Variants in PDE4D observed in about 807,000 individuals in gnomAD.
PDE4D encodes the protein 3',5'-cyclic-AMP phosphodiesterase 4D.
A neutral mutation model predicts 87.4 loss-of-function variants in PDE4D; 24 were observed. The observed-to-expected ratio is 0.27, with a 90% CI of 0.20 to 0.39. PDE4D has a LOEUF of 0.39. Ranked by LOEUF, PDE4D falls within the 10% of genes least tolerant of loss-of-function variation. PDE4D has a pLI of 1.00. For synonymous variants in PDE4D, 384 were observed against 383.2 expected (o/e 1.00, Z -0.02); for missense variants, 714 against 1,041.0 (o/e 0.69, Z 4.32).
chr5:59,650,220 T>C (rs927914253), intron 1 of PDE4D, among the ~76,000 whole-genome samples: 12 of 152,222 alleles, frequency 7.9e-5, no homozygotes, highest in Non-Finnish European at 1.0e-4. Flanking sequence ...AGAACTAAGA[T>C]GAATAAATTA....
chr5:60,468,137 C>CTTTTTTTTTTTTTT lies in PDE4D; in HGVS notation c.-90+19804_-90+19805insAAAAAAAAAAAAAA, dbSNP rs570783072. On this transcript the variant is annotated intron_variant, in intron 1 of 16. Transcript: ENST00000502484. ...CACATCCTAACTTTCTTTCTTTTTT[C>CTTTTTTTTTTTTTT]TTTTTTTTTTGTTTTTTTTGAGACA... is the stretch of plus-strand genomic sequence containing the variant. 6.0e-4 allele frequency among the ~76,000 whole-genome samples: 85 copies of CTTTTTTTTTTTTTT among 141,228 alleles called. 2 individuals carry two copies. The highest frequency in any genetic ancestry group is 1.7e-3 in the East Asian group (8 of 4,630). 92.7% of individuals were successfully genotyped at this position (141,228 alleles called of 152,430 possible). A position where few individuals can be genotyped will look rare whatever the true frequency, so the allele number is the denominator to read the frequency against.
intron 1 of PDE4D, among the ~76,000 whole-genome samples, chr5:59,489,627 A>G (rs1413979233): frequency 6.6e-6 from 1 of 152,200 alleles, no homozygotes; most frequent in African/African-American, 2.4e-5. Context: ...TATGGCTTCA[A>G]TGCTCTCAAC....
chr5:60,439,270 C>A (rs1745005613), intron 1 of PDE4D, among the ~76,000 whole-genome samples: 1 of 146,324 alleles, frequency 6.8e-6, no homozygotes, highest in African/African-American at 2.6e-5. Flanking sequence ...AATAGACATC[C>A]CAGAAAATTG....
intron 1 of PDE4D, among the ~76,000 whole-genome samples, chr5:60,386,905 C>T (rs1004278819): frequency 2.6e-5 from 4 of 152,170 alleles, no homozygotes; most frequent in Non-Finnish European, 4.4e-5. Flanking sequence ...TTTTGTGATG[C>T]ATTGATCACT....
chr5:59,615,121 C>G (rs553362531), intron 1 of PDE4D, among the ~76,000 whole-genome samples: 3 of 152,166 alleles, frequency 2.0e-5, no homozygotes, highest in Non-Finnish European at 2.9e-5. Context: ...TGAGCCACCA[C>G]GCCTGGCTGG....
At chr5:59,597,742 C>T (rs1271082889) in intron 1 of PDE4D, among the ~76,000 whole-genome samples, 2 of 152,022 alleles carry the variant, frequency 1.3e-5, no homozygotes, top group Non-Finnish European at 1.5e-5. Context: ...GTTTCAAAGT[C>T]ACTGTAGTAT....
At position 60,097,256 on chromosome 5, in the gene PDE4D, G is replaced by A. The variant is rs898353749; in HGVS notation, c.42+88301C>T. Among the ~76,000 whole-genome samples the A allele has an allele frequency of 4.8e-4, 57 of 118,510 alleles. 2 individuals are homozygous for A. The highest frequency in any genetic ancestry group is 1.6e-4 in the Non-Finnish European group (8 of 51,476). 77.7% of individuals were successfully genotyped at this position (118,510 alleles called of 152,430 possible). On this transcript the variant is annotated intron_variant, in intron 2 of 16. Coordinates refer to the PDE4D transcript ENST00000502484. Reference sequence around the variant, plus strand: ...TGTACCTAGATACTGCTCATTGGATGCTATGAAGTTGTGTGTGTGTGTGTG... The same window carrying A: ...TGTACCTAGATACTGCTCATTGGATACTATGAAGTTGTGTGTGTGTGTGTG...
chr5:59,915,419 T>G (rs1288499746), intron 3 of PDE4D, among the ~76,000 whole-genome samples: 2 of 152,212 alleles, frequency 1.3e-5, no homozygotes, highest in Admixed American at 1.3e-4. Flanking sequence ...TATTAATAAC[T>G]GACATTAGTT....
At chr5:59,439,052 G>T (rs934637199) in intron 1 of PDE4D, among the ~76,000 whole-genome samples, 9 of 152,222 alleles carry the variant, frequency 5.9e-5, no homozygotes, top group African/African-American at 2.2e-4. Context: ...TGCTTGCAGG[G>T]AGAGATCAAG....
intron 1 of PDE4D, among the ~76,000 whole-genome samples, chr5:59,706,529 A>G (rs143481368): frequency 6.6e-6 from 1 of 152,186 alleles, no homozygotes; most frequent in Non-Finnish European, 1.5e-5. Flanking sequence ...AAGGTTAGCA[A>G]ATAAGAAAAC....
At chr5:59,679,813 A>C (rs1748707510) in intron 1 of PDE4D, among the ~76,000 whole-genome samples, 1 of 152,134 alleles carries the variant, frequency 6.6e-6, no homozygotes, top group South Asian at 2.1e-4. Context: ...AATAATGTAC[A>C]TGTATGTAAC....
At chr5:60,208,275 T>C (rs915211522) in intron 1 of PDE4D, among the ~76,000 whole-genome samples, 3 of 152,044 alleles carry the variant, frequency 2.0e-5, no homozygotes, top group Admixed American at 2.0e-4. Context: ...CAGAAAGAGA[T>C]TCTTTGAAAA....
chr5:59,653,218 T>TTTTTC (rs962666922), intron 1 of PDE4D, among the ~76,000 whole-genome samples: 1 of 146,198 alleles, frequency 6.8e-6, no homozygotes, highest in African/African-American at 2.6e-5. Flanking sequence ...ATTTTTTTTT[T>TTTTTC]TTTTTTTAGA....
At chr5:59,168,311 C>T (rs1782206915) in intron 5 of PDE4D, among the ~76,000 whole-genome samples, 1 of 152,092 alleles carries the variant, frequency 6.6e-6, no homozygotes, top group East Asian at 1.9e-4. Context: ...GTAAGTGGTC[C>T]CAGAAGCAAG....
intron 1 of PDE4D, among the ~76,000 whole-genome samples, chr5:59,508,037 T>A (rs1809601918): frequency 6.6e-6 from 1 of 152,194 alleles, no homozygotes; most frequent in Non-Finnish European, 1.5e-5. Flanking sequence ...AAATTAAAAG[T>A]TTTTGAGGCT....
intron 3 of PDE4D, among the ~76,000 whole-genome samples, chr5:59,973,525 A>G (rs1761000578): frequency 6.6e-6 from 1 of 152,142 alleles, no homozygotes; most frequent in African/African-American, 2.4e-5. Context: ...TGCCAACTGC[A>G]AAGGATGCTT....
intron 1 of PDE4D, among the ~76,000 whole-genome samples, chr5:59,330,237 T>C (rs1388259103): frequency 1.3e-5 from 2 of 152,218 alleles, no homozygotes; most frequent in Admixed American, 6.5e-5. Context: ...TAAACTCATC[T>C]AAATTTCTTG....
At chr5:60,250,584 C>T (rs1192825334) in intron 1 of PDE4D, among the ~76,000 whole-genome samples, 2 of 151,778 alleles carry the variant, frequency 1.3e-5, no homozygotes, top group Non-Finnish European at 2.9e-5. Flanking sequence ...ATTAATATAC[C>T]ATAGGCATAG....
chr5:60,194,802 G>C (rs1431787367), intron 1 of PDE4D, among the ~76,000 whole-genome samples: 2 of 151,580 alleles, frequency 1.3e-5, no homozygotes, highest in African/African-American at 4.8e-5. Flanking sequence ...CACAAATTCA[G>C]GCACTTTCTA....
Sources: allele counts gnomAD v4.1 joint callset (sites outside exome capture counted in the v4.1 genomes callset), GRCh38; gene constraint gnomAD v4.1.1; transcripts MANE v1.5; gene names NCBI Gene and HGNC (gene_info 2026-07-23, HGNC 2026-07-21).